The following EXOC6B variants were observed in gnomAD, a reference collection of about 807,000 sequenced individuals.
The protein encoded by EXOC6B is exocyst complex component 6B.
EXOC6B carries 54 observed loss-of-function variants against 113.5 expected under a neutral mutation model. That is an observed-to-expected ratio of 0.48 (90% CI 0.38 to 0.60). EXOC6B has a LOEUF of 0.60. EXOC6B is among the 20% of genes least tolerant of loss of function. The pLI is 0.00. For synonymous variants in EXOC6B, 357 were observed against 339.0 expected, an observed-to-expected ratio of 1.05 and a Z score of -0.58; for missense variants, 797 against 977.5, an observed-to-expected ratio of 0.82 and a Z score of 2.46.
At chr2:72,367,958 A>G (rs1447051560) in intron 19 of EXOC6B, among the ~76,000 whole-genome samples, 1 of 152,168 alleles carries the variant, frequency 6.6e-6, no homozygotes, top group Non-Finnish European at 1.5e-5. Context: ...TAAACTTGAA[A>G]GACAGTCTAG....
At chr2:72,385,559 T>C (rs1691964137) in intron 18 of EXOC6B, among the ~76,000 whole-genome samples, 1 of 151,004 alleles carries the variant, frequency 6.6e-6, no homozygotes, top group Non-Finnish European at 1.5e-5. Context: ...AAGGAAACAA[T>C]CAAAAGTGTG....
chr2:72,279,791 G>T (rs548698242), intron 20 of EXOC6B, among the ~76,000 whole-genome samples: 6 of 151,330 alleles, frequency 4.0e-5, no homozygotes, highest in Non-Finnish European at 5.9e-5. Context: ...TAATATTTGG[G>T]TTTTTTTTGT....
chr2:72,515,869 T>C (rs746512311), intron 8 of EXOC6B: 10 of 367,934 alleles, frequency 2.7e-5, no homozygotes, highest in Non-Finnish European at 3.8e-5. Context: ...CAGTGGAGGG[T>C]GGGACCTTAA....
chr2:72,242,917 T>A (rs1439283338), intron 20 of EXOC6B, among the ~76,000 whole-genome samples: 1 of 152,122 alleles, frequency 6.6e-6, no homozygotes, highest in Non-Finnish European at 1.5e-5. Context: ...ATTTTTTTTG[T>A]AGAGATGGGG....
At chr2:72,415,018 G>A (rs971907357) in intron 18 of EXOC6B, among the ~76,000 whole-genome samples, 1 of 152,102 alleles carries the variant, frequency 6.6e-6, no homozygotes, top group African/African-American at 2.4e-5. Flanking sequence ...TTGATAGTAA[G>A]TACTCTTCTG....
chr2:72,761,167 A>G (rs775988735), intron 1 of EXOC6B, among the ~76,000 whole-genome samples: 27 of 152,154 alleles, frequency 1.8e-4, no homozygotes, highest in Non-Finnish European at 3.4e-4. Flanking sequence ...CTGAAGAGCA[A>G]GACTCTGTCT....
At chr2:72,282,137 A>G (rs1685164947) in intron 20 of EXOC6B, among the ~76,000 whole-genome samples, 1 of 152,180 alleles carries the variant, frequency 6.6e-6, no homozygotes, top group African/African-American at 2.4e-5. Context: ...CTGTAGGCCT[A>G]CACTAAAATA....
At chr2:72,516,799 G>A (rs1219325501) in intron 8 of EXOC6B, among the ~76,000 whole-genome samples, 6 of 152,108 alleles carry the variant, frequency 3.9e-5, no homozygotes, top group Non-Finnish European at 7.4e-5. Flanking sequence ...ACATCATATG[G>A]TTGTAATGAG....
chr2:72,562,252 A>C (rs896783555), intron 7 of EXOC6B, among the ~76,000 whole-genome samples: 1 of 152,148 alleles, frequency 6.6e-6, no homozygotes, highest in African/African-American at 2.4e-5. Context: ...GGAATGCTAC[A>C]GGTTTGGAAG....
intron 6 of EXOC6B, among the ~76,000 whole-genome samples, chr2:72,647,109 G>T (rs1376529398): frequency 6.6e-6 from 1 of 152,088 alleles, no homozygotes; most frequent in East Asian, 1.9e-4. Flanking sequence ...AAATCAATGT[G>T]CAAAAATCAC....
At chr2:72,398,457 G>A (rs947008232) in intron 18 of EXOC6B, among the ~76,000 whole-genome samples, 4 of 152,048 alleles carry the variant, frequency 2.6e-5, no homozygotes, top group African/African-American at 9.7e-5. Flanking sequence ...AGCACTTTCA[G>A]AGGCCAAGGC....
At chr2:72,501,544 A>G (rs1573269176) in intron 11 of EXOC6B, among the ~76,000 whole-genome samples, 1 of 152,196 alleles carries the variant, frequency 6.6e-6, no homozygotes, top group South Asian at 2.1e-4. Context: ...TAAACCTGGG[A>G]TTACTGACAT....
intron 18 of EXOC6B, among the ~76,000 whole-genome samples, chr2:72,403,079 G>C (rs1039783789): frequency 6.6e-6 from 1 of 152,178 alleles, no homozygotes; most frequent in Non-Finnish European, 1.5e-5. Flanking sequence ...GGCTTGCACT[G>C]AGCCCAGAGA....
chr2:72,407,749 G>A (rs1337706025), intron 18 of EXOC6B, among the ~76,000 whole-genome samples: 2 of 152,128 alleles, frequency 1.3e-5, no homozygotes, highest in African/African-American at 2.4e-5. Flanking sequence ...CAAACCCACA[G>A]CCAATATCAT....
chr2:72,261,399 C>A (rs368436781), intron 20 of EXOC6B, among the ~76,000 whole-genome samples: 1 of 152,150 alleles, frequency 6.6e-6, no homozygotes. Context: ...AAGTACAGAT[C>A]TTTTAGAATC....
chr2:72,672,817 G>A (rs558605752), intron 6 of EXOC6B, among the ~76,000 whole-genome samples: 101 of 152,266 alleles, frequency 6.6e-4, no homozygotes, highest in African/African-American at 2.4e-3. Context: ...GTTGGGGGAT[G>A]GTGGTGAAGA....
intron 1 of EXOC6B, among the ~76,000 whole-genome samples, chr2:72,749,205 T>C (rs1032069138): frequency 6.6e-6 from 1 of 152,142 alleles, no homozygotes; most frequent in Non-Finnish European, 1.5e-5. Context: ...GTGATACTTA[T>C]TGACTCTAAC....
chr2:72,772,887 C>T (rs541878316), intron 1 of EXOC6B, among the ~76,000 whole-genome samples: 1 of 152,064 alleles, frequency 6.6e-6, no homozygotes, highest in African/African-American at 2.4e-5. Flanking sequence ...AACAGGAAAA[C>T]CATAATCCCC....
chr2:72,445,789 G>T (rs984087086), intron 18 of EXOC6B, among the ~76,000 whole-genome samples: 1 of 152,072 alleles, frequency 6.6e-6, no homozygotes, highest in Non-Finnish European at 1.5e-5. Context: ...TTTGGGTGGG[G>T]ACACAGCCAA....
Sources: gnomAD v4.1 joint callset for allele counts (sites outside exome capture counted in the v4.1 genomes callset) on GRCh38, gnomAD v4.1.1 for gene constraint, MANE v1.5 for transcripts, NCBI Gene and HGNC (gene_info 2026-07-23, HGNC 2026-07-21) for gene names.